IER3IP1: variants seen among roughly 807,000 people sequenced by gnomAD.
IER3IP1 encodes immediate early response 3-interacting protein 1.
Under a neutral mutation model 12.2 loss-of-function variants are expected in IER3IP1, and 16 were observed. The ratio of observed to expected loss-of-function variants is 1.31; its 90% confidence interval spans 0.89 to 1.99. IER3IP1 has a LOEUF of 1.99. Ranked by LOEUF, IER3IP1 falls within the 30% of genes most tolerant of loss-of-function variation. The pLI is 0.00. For missense variants in IER3IP1, 95 were observed against 95.8 expected (o/e 0.99, Z 0.03); for synonymous variants, 42 against 40.0 (o/e 1.05, Z -0.19).
At chr18:47,174,138 T>A (rs2144440912) in intron 1 of IER3IP1, among the ~76,000 whole-genome samples, 1 of 152,348 alleles carries the variant, frequency 6.6e-6, no homozygotes, top group South Asian at 2.1e-4. Context: ...TCTACTTTTC[T>A]GGATAGCGGT....
chr18:47,156,082 G>T lies in IER3IP1; in HGVS notation c.*95C>A. ...GCTTTACATTTTTGACAAGTGCAAG[G>T]TCAGCCAGCTAAGATATAAATATTC... On this transcript the variant is annotated 3_prime_UTR_variant, in exon 3 of 3. Transcript: ENST00000256433. 1 of 819,728 alleles carries T rather than the reference G, an allele frequency of 1.2e-6. No homozygotes were observed. The allele number at this position is 819,728 out of a possible 1,614,324, so 50.8% of individuals were successfully genotyped here.
At chr18:47,174,872 AC>A (rs2064026814) in intron 1 of IER3IP1, among the ~76,000 whole-genome samples, 1 of 151,848 alleles carries the variant, frequency 6.6e-6, no homozygotes, top group Admixed American at 6.6e-5. Context: ...CCAACCCTTC[AC>A]CTTCACCGAG....
Position 47,154,760 on chromosome 18 carries a change from TG to T in IER3IP1, c.*1416del, listed in dbSNP as rs1352840817. On this transcript the variant is annotated 3_prime_UTR_variant, in exon 3 of 3. Transcript: ENST00000256433. Reference sequence around the variant, plus strand: ...TGCAAGCCTATAGTCCAAAGATCACTGATCTCTAACTTAGGAAAGGCCAAAA... The same window carrying T: ...TGCAAGCCTATAGTCCAAAGATCACTATCTCTAACTTAGGAAAGGCCAAAA... 1 of 152,208 alleles carries T rather than the reference TG, an allele frequency of 6.6e-6. No homozygotes were observed. Among genetic ancestry groups the T allele is most frequent in the African/African-American group, 2.4e-5 (1 of 41,458 alleles). The allele number at this position is 152,208 out of a possible 1,614,324, so 9.4% of individuals were successfully genotyped here.
At chr18:47,174,283 T>C (rs749143920) in intron 1 of IER3IP1, among the ~76,000 whole-genome samples, 8 of 152,196 alleles carry the variant, frequency 5.3e-5, no homozygotes, top group Non-Finnish European at 8.8e-5. Context: ...AACTCTCTCA[T>C]AGAGTTGCTG....
chr18:47,173,906 ATCT>A (rs752663391), intron 1 of IER3IP1, among the ~76,000 whole-genome samples: 22 of 152,082 alleles, frequency 1.4e-4, no homozygotes, highest in Non-Finnish European at 2.8e-4. Flanking sequence ...TTGTCACATG[ATCT>A]TCTGCGTGTG....
At chr18:47,175,236 A>G (rs2064028535) in intron 1 of IER3IP1, among the ~76,000 whole-genome samples, 1 of 152,092 alleles carries the variant, frequency 6.6e-6, no homozygotes, top group African/African-American at 2.4e-5. Context: ...TTCATTTTTG[A>G]ATTTCTAAAT....
At chr18:47,162,453 G>A (rs1325019269) in intron 1 of IER3IP1, among the ~76,000 whole-genome samples, 1 of 152,134 alleles carries the variant, frequency 6.6e-6, no homozygotes, top group Non-Finnish European at 1.5e-5. Flanking sequence ...GTAGAAAAAT[G>A]CATTTTTTAA....
chr18:47,164,532 T>C (rs1375643130), intron 1 of IER3IP1, among the ~76,000 whole-genome samples: 15 of 147,836 alleles, frequency 1.0e-4, no homozygotes, highest in Non-Finnish European at 1.9e-4. Context: ...TTTGGCCGGG[T>C]GTGGTGGTTC....
intron 1 of IER3IP1, among the ~76,000 whole-genome samples, chr18:47,175,668 G>A (rs1453796169): frequency 1.3e-5 from 2 of 151,990 alleles, no homozygotes; most frequent in Non-Finnish European, 2.9e-5. Context: ...TTACCATGTT[G>A]GCCAGGCTGG....
Position 47,154,310 on chromosome 18 carries a change from T to C in IER3IP1, c.*1867A>G, listed in dbSNP as rs1476572066. 1 of 152,230 alleles carries C rather than the reference T, an allele frequency of 6.6e-6. No individual in the cohort carries two copies. The highest frequency in any genetic ancestry group is 1.5e-5 in the Non-Finnish European group (1 of 68,058). 9.4% of individuals were successfully genotyped at this position (152,230 alleles called of 1,614,324 possible). On this transcript the variant is annotated 3_prime_UTR_variant, in exon 3 of 3. Transcript: ENST00000256433. ...CCTCTTCAGCCACAAACTGGAATTA[T>C]GAAGTGGCCTCCAGATATGACATAT...
At chr18:47,156,437 GGAGTAAGGGT>G (rs144078700) in intron 2 of IER3IP1, among the ~76,000 whole-genome samples, 3,996 of 152,262 alleles carry the variant, frequency 0.026, 62 homozygotes, top group Non-Finnish European at 0.041. Flanking sequence ...TGTATAACTG[GGAGTAAGGGT>G]TGCACTGGAA....
In IER3IP1 at chr18:47,167,696, A is replaced by C. The variant is rs146361200; in HGVS notation, c.91+8491T>G. On this transcript the variant is annotated intron_variant, in intron 1 of 2. Transcript: ENST00000256433. ...TACCCCAATCAATAATGTGAAGTTA[A>C]CTGTCACTTATTATTCTCCAATTAG... 3.9e-5 allele frequency among the ~76,000 whole-genome samples: 6 copies of C among 152,338 alleles called. No individual in the cohort carries two copies. In the East Asian group the frequency reaches 1.2e-3, roughly 29 times the overall value.
chr18:47,156,074 A>C lies in IER3IP1; in HGVS notation c.*103T>G, dbSNP rs2063957697. The C allele has an allele frequency of 1.3e-6, 1 of 751,404 alleles. No homozygotes were observed. The highest frequency in any genetic ancestry group is 2.3e-6 in the Non-Finnish European group (1 of 433,200). 46.5% of individuals were successfully genotyped at this position (751,404 alleles called of 1,614,324 possible). A position where few individuals can be genotyped will look rare whatever the true frequency, so the allele number is the denominator to read the frequency against. Reference sequence around the variant, plus strand: ...TATTTTCAGCTTTACATTTTTGACAAGTGCAAGGTCAGCCAGCTAAGATAT... The same window carrying C: ...TATTTTCAGCTTTACATTTTTGACACGTGCAAGGTCAGCCAGCTAAGATAT... On this transcript the variant is annotated 3_prime_UTR_variant, in exon 3 of 3. Coordinates refer to ENST00000256433, the MANE Select transcript of IER3IP1 (RefSeq NM_016097.5).
intron 1 of IER3IP1, among the ~76,000 whole-genome samples, chr18:47,160,195 C>T (rs139559460): frequency 2.2e-5 from 3 of 137,290 alleles, no homozygotes; most frequent in East Asian, 4.2e-4. Flanking sequence ...AACTCCGTCT[C>T]AAAAAAAAAA....
At chr18:47,175,798 G>A (rs1295893270) in intron 1 of IER3IP1, among the ~76,000 whole-genome samples, 2 of 151,688 alleles carry the variant, frequency 1.3e-5, no homozygotes, top group African/African-American at 4.8e-5. Context: ...TCAGACCCCG[G>A]GTTTTCGACT....
At chr18:47,166,525 G>C (rs944122654) in intron 1 of IER3IP1, among the ~76,000 whole-genome samples, 16 of 152,120 alleles carry the variant, frequency 1.1e-4, no homozygotes, top group Non-Finnish European at 1.5e-4. Flanking sequence ...ACAAATACTG[G>C]GGAAGGATAA....
rs1467741356 is a variant in IER3IP1, at chr18:47,154,330, A to G, written c.*1847T>C. 6.6e-6 allele frequency: 1 copy of G among 152,216 alleles called. No homozygotes were observed. The highest frequency in any genetic ancestry group is 1.5e-5 in the Non-Finnish European group (1 of 68,050). The allele number at this position is 152,216 out of a possible 1,614,324, so 9.4% of individuals were successfully genotyped here. A position where few individuals can be genotyped will look rare whatever the true frequency, so the allele number is the denominator to read the frequency against. ...AATTATGAAGTGGCCTCCAGATATGACATATTTTGATGTTCAGTTCAGTGC... is the reference window on the plus strand; with the variant it reads ...AATTATGAAGTGGCCTCCAGATATGGCATATTTTGATGTTCAGTTCAGTGC... On this transcript the variant is annotated 3_prime_UTR_variant, in exon 3 of 3. Transcript: ENST00000256433.
intron 1 of IER3IP1, among the ~76,000 whole-genome samples, chr18:47,175,086 C>G (rs950787716): frequency 1.3e-5 from 2 of 152,134 alleles, no homozygotes; most frequent in African/African-American, 2.4e-5. Flanking sequence ...TATAAATGGG[C>G]CTGGCACATA....
chr18:47,164,789 AAC>A (rs1468600777), intron 1 of IER3IP1, among the ~76,000 whole-genome samples: 3 of 146,694 alleles, frequency 2.0e-5, no homozygotes, highest in African/African-American at 7.4e-5. Context: ...AAAAAAAAAA[AAC>A]AAGAGAGAGA....
Sources: gnomAD v4.1 joint callset for allele counts (sites outside exome capture counted in the v4.1 genomes callset) on GRCh38, gnomAD v4.1.1 for gene constraint, MANE v1.5 for transcripts, NCBI Gene and HGNC (gene_info 2026-07-23, HGNC 2026-07-21) for gene names.